PPP2R5E: variants seen among roughly 807,000 people sequenced by gnomAD.
PPP2R5E encodes the protein protein phosphatase 2 regulatory subunit B'epsilon.
In PPP2R5E, 4 loss-of-function variants were observed where a neutral mutation model predicts 65.3. That is an observed-to-expected ratio of 0.06 (90% CI 0.03 to 0.14). PPP2R5E has a LOEUF of 0.14. PPP2R5E is among the 10% of genes least tolerant of loss of function. The probability of loss-of-function intolerance (pLI) is 1.00; values close to 1 mark genes in which losing one functional copy is unlikely to be tolerated. For synonymous variants in PPP2R5E, 183 were observed against 187.4 expected, an observed-to-expected ratio of 0.98 and a Z score of 0.19; for missense variants, 274 against 556.1, an observed-to-expected ratio of 0.49 and a Z score of 5.10.
intron 2 of PPP2R5E, among the ~76,000 whole-genome samples, chr14:63,481,430 A>C (rs980087195): frequency 6.9e-6 from 1 of 144,502 alleles, no homozygotes; most frequent in Non-Finnish European, 1.5e-5. Flanking sequence ...CAGGGGGCGG[A>C]GGTTGCAGTG....
At chr14:63,467,566 A>G (rs1180488262) in intron 2 of PPP2R5E, among the ~76,000 whole-genome samples, 4 of 152,228 alleles carry the variant, frequency 2.6e-5, no homozygotes, top group Non-Finnish European at 5.9e-5. Context: ...GAGAAATAAG[A>G]GTTGACCTTA....
At chr14:63,455,970 T>C (rs1889106787) in intron 2 of PPP2R5E, among the ~76,000 whole-genome samples, 2 of 152,174 alleles carry the variant, frequency 1.3e-5, no homozygotes, top group Non-Finnish European at 2.9e-5. Flanking sequence ...TTTTGCCATG[T>C]TGGCCAGGCT....
chr14:63,497,220 G>A (rs760376087), intron 2 of PPP2R5E, among the ~76,000 whole-genome samples: 13 of 152,036 alleles, frequency 8.6e-5, no homozygotes, highest in African/African-American at 2.7e-4. Context: ...ATGCATAAAC[G>A]TATGACAGTA....
chr14:63,526,039 T>C lies in PPP2R5E; in HGVS notation c.157+13490A>G, dbSNP rs3783737. Among the ~76,000 whole-genome samples the C allele has an allele frequency of 6.8e-3, 1,040 of 152,158 alleles. 62 individuals carry two copies. In the East Asian group the frequency reaches 0.14, roughly 21 times the overall value. ...ACCTGGCTAATTTTTTTTGTATTTT[T>C]AGTAGAGATGGGGTTACACCATGTT... On this transcript the variant is annotated intron_variant, in intron 2 of 13. Coordinates refer to ENST00000337537, the MANE Select transcript of PPP2R5E (RefSeq NM_006246.5).
chr14:63,439,406 C>T (rs1389671625), intron 3 of PPP2R5E, among the ~76,000 whole-genome samples: 1 of 150,282 alleles, frequency 6.7e-6, no homozygotes, highest in African/African-American at 2.5e-5. Context: ...CGGAGTTTTG[C>T]TCTTGTTGCC....
intron 2 of PPP2R5E, among the ~76,000 whole-genome samples, chr14:63,523,717 T>TAAA (rs200827747): frequency 1.7e-5 from 2 of 118,292 alleles, no homozygotes; most frequent in African/African-American, 6.0e-5. Context: ...ATAAATAAAT[T>TAAA]AAAAAAAAAA....
chr14:63,400,800 C>T (rs1475506860), intron 5 of PPP2R5E, among the ~76,000 whole-genome samples: 1 of 151,864 alleles, frequency 6.6e-6, no homozygotes, highest in Non-Finnish European at 1.5e-5. Flanking sequence ...CCCATCCACC[C>T]ATTCCCATTC....
At chr14:63,413,777 C>T (rs964135146) in intron 5 of PPP2R5E, among the ~76,000 whole-genome samples, 5 of 152,144 alleles carry the variant, frequency 3.3e-5, no homozygotes, top group Non-Finnish European at 5.9e-5. Context: ...CCCCGTGATC[C>T]ACGTATCCAT....
At chr14:63,537,985 G>A (rs1320375933) in intron 2 of PPP2R5E, among the ~76,000 whole-genome samples, 3 of 152,198 alleles carry the variant, frequency 2.0e-5, no homozygotes, top group African/African-American at 7.2e-5. Context: ...AAGTTGAAAT[G>A]CCTAATTTAG....
intron 2 of PPP2R5E, among the ~76,000 whole-genome samples, chr14:63,485,825 C>CTTT (rs770156529): frequency 1.4e-4 from 18 of 130,624 alleles, no homozygotes; most frequent in South Asian, 2.5e-4. Context: ...TACTGACAAA[C>CTTT]TTTTTTTTTT....
intron 2 of PPP2R5E, among the ~76,000 whole-genome samples, chr14:63,454,125 G>A (rs368541620): frequency 7.9e-5 from 12 of 152,270 alleles, no homozygotes; most frequent in African/African-American, 2.9e-4. Context: ...CACAACCAAG[G>A]ATTGACCAAA....
intron 13 of PPP2R5E, among the ~76,000 whole-genome samples, chr14:63,376,331 T>C (rs74743449): frequency 0.013 from 1,945 of 152,300 alleles, 61 homozygotes; most frequent in East Asian, 0.12. Context: ...GTAAGAATCT[T>C]AATTTTTCTT....
chr14:63,389,844 C>A, intron 10 of PPP2R5E, 113 bp from the exon 11 acceptor site: 1 of 1,141,538 alleles, frequency 8.8e-7, no homozygotes, highest in Non-Finnish European at 1.2e-6. Flanking sequence ...ACACATAAAA[C>A]CAAACATACA....
intron 5 of PPP2R5E, among the ~76,000 whole-genome samples, chr14:63,410,435 G>A (rs1019950961): frequency 6.6e-6 from 1 of 152,174 alleles, no homozygotes; most frequent in African/African-American, 2.4e-5. Flanking sequence ...AGAAGGACCT[G>A]TCAATTCAAG....
intron 1 of PPP2R5E, among the ~76,000 whole-genome samples, chr14:63,540,183 C>A (rs1347043382): frequency 1.3e-5 from 2 of 150,716 alleles, no homozygotes; most frequent in Admixed American, 6.6e-5. Context: ...GTAATCCCAG[C>A]ACTTTGGGAG....
intron 2 of PPP2R5E, among the ~76,000 whole-genome samples, chr14:63,522,083 G>A (rs1892936335): frequency 6.7e-6 from 1 of 149,674 alleles, no homozygotes; most frequent in South Asian, 2.3e-4. Flanking sequence ...GCCTGCGATT[G>A]CAGGCACGCG....
At chr14:63,408,573 A>G (rs1366301432) in intron 5 of PPP2R5E, among the ~76,000 whole-genome samples, 2 of 152,194 alleles carry the variant, frequency 1.3e-5, no homozygotes, top group African/African-American at 2.4e-5. Context: ...CCATATCATT[A>G]GTCATCTTTT....
At chr14:63,393,428 T>C (rs563000750) in intron 8 of PPP2R5E, among the ~76,000 whole-genome samples, 3 of 152,264 alleles carry the variant, frequency 2.0e-5, no homozygotes, top group East Asian at 1.9e-4. Context: ...ATGAAGGCGA[T>C]AGGCCCGGCG....
At chr14:63,416,079 A>T (rs1055614134) in intron 4 of PPP2R5E, among the ~76,000 whole-genome samples, 1 of 152,250 alleles carries the variant, frequency 6.6e-6, no homozygotes, top group African/African-American at 2.4e-5. Context: ...AACAGTGGGG[A>T]ATCACTGCGT....
Sources: gnomAD v4.1 joint callset for allele counts (sites outside exome capture counted in the v4.1 genomes callset) on GRCh38, gnomAD v4.1.1 for gene constraint, MANE v1.5 for transcripts, NCBI Gene and HGNC (gene_info 2026-07-23, HGNC 2026-07-21) for gene names.